The following CFAP54 variants were observed in gnomAD, a reference collection of about 807,000 sequenced individuals.
CFAP54 encodes cilia and flagella associated protein 54.
In CFAP54, 290 loss-of-function variants were observed where a neutral mutation model predicts 370.4. The observed-to-expected ratio is 0.78, with a 90% CI of 0.71 to 0.86. The LOEUF is 0.86. CFAP54 is among the 40% of genes least tolerant of loss of function. CFAP54 has a pLI of 0.00. For synonymous variants in CFAP54, 1,206 were observed against 1,236.5 expected (o/e 0.98, Z 0.52); for missense variants, 3,399 against 3,528.7 (o/e 0.96, Z 0.93).
At chr12:96,839,493 G>C (rs1959198652) in intron 66 of CFAP54, among the ~76,000 whole-genome samples, 1 of 152,226 alleles carries the variant, frequency 6.6e-6, no homozygotes. Flanking sequence ...AATAATGCAA[G>C]TGCAAGGAAT....
intron 66 of CFAP54, among the ~76,000 whole-genome samples, chr12:96,849,561 A>T (rs554475996): frequency 1.3e-5 from 2 of 152,324 alleles, no homozygotes; most frequent in African/African-American, 2.4e-5. Context: ...TTTCCTTTTG[A>T]TTAAGGAAAA....
At chr12:96,848,290 G>A (rs980675943) in intron 66 of CFAP54, among the ~76,000 whole-genome samples, 1 of 152,006 alleles carries the variant, frequency 6.6e-6, no homozygotes, top group Non-Finnish European at 1.5e-5. Context: ...GGCCAGACTG[G>A]TCTTGAACTC....
chr12:96,739,881 A>C (rs1958030098), intron 50 of CFAP54, 75 bp from the exon 51 acceptor site: 4 of 917,504 alleles, frequency 4.4e-6, no homozygotes, highest in Admixed American at 5.2e-5. Flanking sequence ...TTTTTGGAGA[A>C]AGTGATTTAG....
At chr12:96,523,123 C>T (rs1312729387) in intron 8 of CFAP54, among the ~76,000 whole-genome samples, 2 of 152,068 alleles carry the variant, frequency 1.3e-5, no homozygotes, top group East Asian at 1.9e-4. Context: ...CCCTCTTCTG[C>T]GAGCTTCCAT....
intron 63 of CFAP54, among the ~76,000 whole-genome samples, chr12:96,805,002 C>T (rs1958862836): frequency 1.3e-5 from 2 of 152,078 alleles, no homozygotes; most frequent in African/African-American, 4.8e-5. Context: ...GGAAAGGACA[C>T]CCTGTTTAAT....
intron 47 of CFAP54, among the ~76,000 whole-genome samples, chr12:96,708,206 G>T (rs1957565769): frequency 6.6e-6 from 1 of 152,154 alleles, no homozygotes; most frequent in Non-Finnish European, 1.5e-5. Context: ...TAGGGAGATT[G>T]CTTGTCTGCC....
intron 6 of CFAP54, among the ~76,000 whole-genome samples, chr12:96,519,385 C>CT (rs1405023548): frequency 2.2e-4 from 33 of 152,302 alleles, no homozygotes; most frequent in Middle Eastern, 3.4e-3. Flanking sequence ...AGGCGTGAGC[C>CT]ACTGTGTCCA....
At chr12:96,714,058 G>A (rs1055011830) in intron 48 of CFAP54, among the ~76,000 whole-genome samples, 7 of 152,234 alleles carry the variant, frequency 4.6e-5, no homozygotes, top group Non-Finnish European at 1.0e-4. Context: ...TCTGGTTTCT[G>A]TATTGAGACT....
chr12:96,658,108 A>G lies in CFAP54; in HGVS notation c.5324+3A>G, dbSNP rs112624678. 4 of 1,609,038 alleles carry G rather than the reference A, an allele frequency of 2.5e-6. No individual in the cohort carries two copies. In the South Asian group the frequency reaches 4.4e-5, roughly 18 times the overall value. ...ATTCAGTTCAATACAGTTTCACAGT[A>G]AGTACTGCTGTAAGGGCAATTAAAA... On this transcript the variant is annotated splice_donor_region_variant and intron_variant, in intron 37 of 67. Transcript: ENST00000524981.
At chr12:96,504,405 ACT>A (rs1955067715) in intron 3 of CFAP54, among the ~76,000 whole-genome samples, 1 of 152,206 alleles carries the variant, frequency 6.6e-6, no homozygotes, top group South Asian at 2.1e-4. Context: ...TAAAAAAGCG[ACT>A]CAAGATTAAA....
intron 63 of CFAP54, among the ~76,000 whole-genome samples, chr12:96,794,285 T>G (rs1334306912): frequency 6.6e-6 from 1 of 152,192 alleles, no homozygotes; most frequent in Admixed American, 6.5e-5. Flanking sequence ...TGTCTAGATC[T>G]CTAGTAAGGC....
chr12:96,828,446 A>G (rs1416370106), intron 65 of CFAP54, among the ~76,000 whole-genome samples: 3 of 151,690 alleles, frequency 2.0e-5, no homozygotes, highest in South Asian at 2.1e-4. Flanking sequence ...GCCTTCTCCA[A>G]CTCCGCATGT....
chr12:96,543,608 G>C (rs1053923045), intron 14 of CFAP54, among the ~76,000 whole-genome samples: 5 of 139,514 alleles, frequency 3.6e-5, no homozygotes, highest in African/African-American at 1.3e-4. Context: ...GGACATTATT[G>C]CTAAGCATTT....
chr12:96,664,689 GTA>G (rs1274516967), intron 39 of CFAP54, among the ~76,000 whole-genome samples: 1 of 26,298 alleles, frequency 3.8e-5, no homozygotes. Context: ...ATTCCTTTGG[GTA>G]TATATCTATA....
At chr12:96,540,299 A>G (rs34607986) in intron 13 of CFAP54, 39,831 of 152,080 alleles carry the variant, frequency 0.26, 5,570 homozygotes, top group South Asian at 0.39. Flanking sequence ...ACAGGGTTTC[A>G]CCATATAGGC....
chr12:96,578,864 T>C (rs556023305), intron 20 of CFAP54, among the ~76,000 whole-genome samples: 2 of 152,342 alleles, frequency 1.3e-5, no homozygotes, highest in Admixed American at 1.3e-4. Context: ...ATATTACGTA[T>C]AAACTGTTCT....
intron 60 of CFAP54, among the ~76,000 whole-genome samples, chr12:96,782,450 T>C (rs1323502169): frequency 1.3e-5 from 2 of 152,116 alleles, no homozygotes; most frequent in African/African-American, 4.8e-5. Flanking sequence ...TTTAGCAAGG[T>C]TGCTGGATGT....
intron 9 of CFAP54, among the ~76,000 whole-genome samples, chr12:96,531,408 T>A (rs565475683): frequency 3.3e-5 from 5 of 152,286 alleles, no homozygotes; most frequent in Admixed American, 6.5e-5. Flanking sequence ...GGTTTAGTAA[T>A]GCAGCAGATA....
At chr12:96,713,881 C>A (rs1957643027) in intron 48 of CFAP54, among the ~76,000 whole-genome samples, 2 of 151,736 alleles carry the variant, frequency 1.3e-5, no homozygotes, top group Non-Finnish European at 2.9e-5. Flanking sequence ...ACAGCTGGAG[C>A]CCAGTGAACA....
Sources: gnomAD v4.1 joint callset for allele counts (sites outside exome capture counted in the v4.1 genomes callset) on GRCh38, gnomAD v4.1.1 for gene constraint, MANE v1.5 for transcripts, NCBI Gene and HGNC (gene_info 2026-07-23, HGNC 2026-07-21) for gene names.